The following ABCB1 variants were observed in gnomAD, a reference collection of about 807,000 sequenced individuals.
The protein encoded by ABCB1 is ATP binding cassette subfamily B member 1, also known as ATP-dependent translocase ABCB1.
In ABCB1, 69 loss-of-function variants were observed where a neutral mutation model predicts 142.0. That is an observed-to-expected ratio of 0.49 (90% CI 0.40 to 0.59). ABCB1 has a LOEUF of 0.59. Among genes scored for constraint, ABCB1 ranks in the 20% least tolerant of loss-of-function variants. The pLI is 0.00. For synonymous variants in ABCB1, 532 were observed against 539.2 expected (o/e 0.99, Z 0.18); for missense variants, 1,326 against 1,554.7 (o/e 0.85, Z 2.47).
chr7:87,683,995 A>T (rs1585093929), intron 1 of ABCB1, among the ~76,000 whole-genome samples: 1 of 152,342 alleles, frequency 6.6e-6, no homozygotes, highest in African/African-American at 2.4e-5. Context: ...CAGTACTTGA[A>T]AATGGATGTA....
intron 1 of ABCB1, among the ~76,000 whole-genome samples, chr7:87,702,202 TA>T (rs1829144951): frequency 6.6e-6 from 1 of 151,238 alleles, no homozygotes; most frequent in Non-Finnish European, 1.5e-5. Context: ...AATTTTTTTT[TA>T]GGAAAAATAG....
chr7:87,711,225 C>T (rs893680612), intron 1 of ABCB1, among the ~76,000 whole-genome samples: 5 of 151,726 alleles, frequency 3.3e-5, no homozygotes, highest in East Asian at 1.9e-4. Flanking sequence ...ACTCGGGAGG[C>T]GGAGGTAGGA....
At chr7:87,624,916 G>A (rs1820352997) in intron 1 of ABCB1, among the ~76,000 whole-genome samples, 1 of 152,180 alleles carries the variant, frequency 6.6e-6, no homozygotes, top group African/African-American at 2.4e-5. Context: ...GTCTTGGTAA[G>A]CAAGTACTAA....
chr7:87,610,418 T>C (rs1819810649), intron 1 of ABCB1, among the ~76,000 whole-genome samples: 1 of 145,128 alleles, frequency 6.9e-6, no homozygotes, highest in Non-Finnish European at 1.5e-5. Flanking sequence ...TTTTTTTTTT[T>C]TTTTCAGAGA....
chr7:87,704,893 T>C (rs1055809898), intron 1 of ABCB1, among the ~76,000 whole-genome samples: 1 of 152,196 alleles, frequency 6.6e-6, no homozygotes, highest in African/African-American at 2.4e-5. Context: ...ATGCCTCAGA[T>C]GGTAGGTTTA....
Position 87,504,162 on chromosome 7 carries a change from TA to T in ABCB1, c.*80del, listed in dbSNP as rs57792825. The T allele has an allele frequency of 6.5e-7, 1 of 1,542,262 alleles. No individual in the cohort carries two copies. The highest frequency in any genetic ancestry group is 8.8e-7 in the Non-Finnish European group (1 of 1,135,906). ...AAACAGATACCTCTTCATAATTCTG[TA>T]AGTGTTTGCTTTTAACTTTGAATAA... On this transcript the variant is annotated 3_prime_UTR_variant, in exon 28 of 28. Transcript: ENST00000622132.
intron 9 of ABCB1, among the ~76,000 whole-genome samples, chr7:87,552,788 AT>A: frequency 6.6e-6 from 1 of 151,676 alleles, no homozygotes; most frequent in East Asian, 1.9e-4. Context: ...GTTTTAAGGG[AT>A]TCTACAAAAT....
At chr7:87,673,114 G>A (rs1825997823) in intron 1 of ABCB1, among the ~76,000 whole-genome samples, 1 of 152,130 alleles carries the variant, frequency 6.6e-6, no homozygotes, top group South Asian at 2.1e-4. Context: ...CCCTTTGTAG[G>A]TGACCTTCCC....
In ABCB1 at chr7:87,530,821, GC is replaced by G. The variant is rs1433889716; in HGVS notation, c.2685+472del. On this transcript the variant is annotated intron_variant, in intron 21 of 27. Transcript: ENST00000622132. ...AGCAAGAAAGCAAGAAAGCAAGAAA[GC>G]AAGAAAGCAAGAAAGCAAGAAAGAA... 3.6e-4 allele frequency among the ~76,000 whole-genome samples: 33 copies of G among 91,236 alleles called. No homozygotes were observed. The South Asian group carries it at 6.0e-3, about 17-fold the overall frequency. 59.9% of individuals were successfully genotyped at this position (91,236 alleles called of 152,430 possible). A position where few individuals can be genotyped will look rare whatever the true frequency, so the allele number is the denominator to read the frequency against.
At position 87,549,540 on chromosome 7, in the gene ABCB1, G is replaced by T. The variant is rs577344112; in HGVS notation, c.1555-22C>A. On this transcript the variant is annotated intron_variant, in intron 13 of 27. Coordinates refer to ENST00000622132, the MANE Select transcript of ABCB1 (RefSeq NM_001348946.2). ...ATTTCTACCACAGAAAACCCAGAAT[G>T]ATTTAGCATAAGGACAAGCTATCTC... The T allele has an allele frequency of 2.1e-5, 34 of 1,614,182 alleles. No individual in the cohort carries two copies. The South Asian group carries it at 3.6e-4, about 17-fold the overall frequency.
intron 4 of ABCB1, among the ~76,000 whole-genome samples, chr7:87,577,627 G>C (rs964149050): frequency 6.6e-6 from 1 of 152,190 alleles, no homozygotes; most frequent in Non-Finnish European, 1.5e-5. Flanking sequence ...TTTAACTGGG[G>C]TGAAATGATA....
chr7:87,598,157 A>G (rs1261446151), intron 2 of ABCB1, among the ~76,000 whole-genome samples: 1 of 152,196 alleles, frequency 6.6e-6, no homozygotes, highest in African/African-American at 2.4e-5. Flanking sequence ...TTACATGTAG[A>G]AAATCCAATC....
At chr7:87,643,025 C>T (rs1178179921) in intron 1 of ABCB1, among the ~76,000 whole-genome samples, 1 of 152,148 alleles carries the variant, frequency 6.6e-6, no homozygotes, top group Non-Finnish European at 1.5e-5. Context: ...AAGTTGTCCT[C>T]TTGCCTCAGC....
chr7:87,675,477 A>G (rs958414831), intron 1 of ABCB1, among the ~76,000 whole-genome samples: 1 of 152,288 alleles, frequency 6.6e-6, no homozygotes. Context: ...AGTAATTGAA[A>G]CAGCTTGGTA....
intron 1 of ABCB1, among the ~76,000 whole-genome samples, chr7:87,678,541 T>C (rs576482285): frequency 2.7e-4 from 41 of 151,372 alleles, no homozygotes; most frequent in Non-Finnish European, 5.0e-4. Flanking sequence ...AAGAAGGTGG[T>C]GAAAAAAGGG....
chr7:87,558,752 G>T (rs1208309325), intron 8 of ABCB1, among the ~76,000 whole-genome samples: 1 of 151,658 alleles, frequency 6.6e-6, no homozygotes, highest in Non-Finnish European at 1.5e-5. Context: ...ATATTAAGAA[G>T]GTTGTTTCTT....
chr7:87,522,129 T>A, intron 21 of ABCB1: 1 of 1,364,198 alleles, frequency 7.3e-7, no homozygotes, highest in Admixed American at 1.7e-5. Flanking sequence ...GAAACTTCAG[T>A]GGTCATTGTG....
intron 1 of ABCB1, among the ~76,000 whole-genome samples, chr7:87,679,159 C>T (rs969133608): frequency 3.8e-5 from 5 of 133,018 alleles, no homozygotes; most frequent in South Asian, 4.8e-4. Context: ...GTGGCGCGAT[C>T]TTGGCTCACT....
intron 27 of ABCB1, among the ~76,000 whole-genome samples, chr7:87,504,819 A>T (rs78401686): frequency 0.087 from 13,221 of 151,628 alleles, 750 homozygotes; most frequent in African/African-American, 0.16. Flanking sequence ...AAAAAAAAAA[A>T]AAAAAGCTCC....
Sources: gnomAD v4.1 joint callset for allele counts (sites outside exome capture counted in the v4.1 genomes callset) on GRCh38, gnomAD v4.1.1 for gene constraint, MANE v1.5 for transcripts, NCBI Gene and HGNC (gene_info 2026-07-23, HGNC 2026-07-21) for gene names.